The following SRSF11 variants were observed in gnomAD, a reference collection of about 807,000 sequenced individuals.
The protein encoded by SRSF11 is serine/arginine-rich splicing factor 11.
SRSF11 carries 9 observed loss-of-function variants against 56.0 expected under a neutral mutation model. The observed-to-expected ratio is 0.16, with a 90% CI of 0.10 to 0.28. SRSF11 has a LOEUF of 0.28. Among genes scored for constraint, SRSF11 ranks in the 10% least tolerant of loss-of-function variants. The probability of loss-of-function intolerance (pLI) is 1.00; values close to 1 mark genes in which losing one functional copy is unlikely to be tolerated. For missense variants in SRSF11, 421 were observed against 600.7 expected (o/e 0.70, Z 3.13); for synonymous variants, 222 against 215.3 (o/e 1.03, Z -0.27).
rs544918620 is a variant in SRSF11 at position 70,237,104 on chromosome 1, A to G, written c.591-321A>G. Among the ~76,000 whole-genome samples the G allele has an allele frequency of 2.5e-4, 38 of 152,250 alleles. No homozygotes were observed. The East Asian group carries it at 6.2e-3, about 25-fold the overall frequency. On this transcript the variant is annotated intron_variant, in intron 5 of 11. Transcript: ENST00000370949. ...ACCGGCCCAAAAATTTTTAATTTAT[A>G]TGAATAAAAGTTCTTAGCATCAGCA...
intron 9 of SRSF11, among the ~76,000 whole-genome samples, chr1:70,247,347 C>T (rs1676989556): frequency 6.6e-6 from 1 of 152,112 alleles, no homozygotes; most frequent in East Asian, 1.9e-4. Context: ...CTAATTCTAT[C>T]TTTAAGCTGT....
At chr1:70,249,092 G>A (rs1478149553) in intron 9 of SRSF11, 2 of 152,100 alleles carry the variant, frequency 1.3e-5, no homozygotes, top group Non-Finnish European at 1.5e-5. Flanking sequence ...AAAAGGAGGG[G>A]AAGGCTGTAT....
chr1:70,209,708 C>CACAACTA (rs1182620873), intron 1 of SRSF11, among the ~76,000 whole-genome samples: 1 of 142,390 alleles, frequency 7.0e-6, no homozygotes, highest in Non-Finnish European at 1.5e-5. Context: ...ATCTCAGCCT[C>CACAACTA]ACAACTAGCT....
At chr1:70,236,748 A>G (rs1674146404) in intron 5 of SRSF11, among the ~76,000 whole-genome samples, 1 of 151,266 alleles carries the variant, frequency 6.6e-6, no homozygotes, top group African/African-American at 2.4e-5. Context: ...CCCACCTACA[A>G]AGTAAAAGGT....
intron 2 of SRSF11, chr1:70,230,277 G>A (rs1348798654): frequency 7.0e-6 from 7 of 998,394 alleles, no homozygotes; most frequent in African/African-American, 1.7e-5. Context: ...TCTATTGTTG[G>A]TGAATTTAAT....
At chr1:70,237,281 T>C in intron 5 of SRSF11, 144 bp from the exon 6 acceptor site, 1 of 959,836 alleles carries the variant, frequency 1.0e-6, no homozygotes, top group Non-Finnish European at 1.5e-6. Flanking sequence ...CTATATGTTG[T>C]TTACCAAAGT....
intron 1 of SRSF11, among the ~76,000 whole-genome samples, chr1:70,215,562 C>A (rs547151044): frequency 5.8e-4 from 89 of 152,190 alleles, no homozygotes; most frequent in African/African-American, 2.1e-3. Context: ...CCTTTTCTAG[C>A]CTCAAAAAAA....
chr1:70,247,075 A>G, intron 9 of SRSF11, 168 bp downstream of exon 9: 3 of 1,115,236 alleles, frequency 2.7e-6, no homozygotes, highest in South Asian at 5.4e-5. Flanking sequence ...GTGAAGAATA[A>G]TGTAGTTTAT....
chr1:70,229,895 A>T (rs927748654), intron 2 of SRSF11: 5 of 985,334 alleles, frequency 5.1e-6, no homozygotes, highest in Non-Finnish European at 6.0e-6. Context: ...TGTAATGTAT[A>T]GATAGATAAA....
intron 1 of SRSF11, among the ~76,000 whole-genome samples, chr1:70,212,977 A>T (rs1190907277): frequency 6.6e-6 from 1 of 152,054 alleles, no homozygotes; most frequent in Non-Finnish European, 1.5e-5. Flanking sequence ...AGGCAGGAGG[A>T]TCACTTGAAC....
chr1:70,245,460 T>G (rs1298233900), intron 8 of SRSF11, among the ~76,000 whole-genome samples: 2 of 152,202 alleles, frequency 1.3e-5, no homozygotes, highest in Admixed American at 1.3e-4. Context: ...TTAGTCCTTA[T>G]GTGCTGCAGA....
Position 70,250,794 on chromosome 1 carries a change from A to G in SRSF11, c.1444A>G (p.Met482Val). 6.2e-7 allele frequency: 1 copy of G among 1,613,882 alleles called. No homozygotes were observed. The highest frequency in any genetic ancestry group is 8.5e-7 in the Non-Finnish European group (1 of 1,179,880). ...GDDHHEEDMD[M>V]SD is the part of the protein sequence containing the mutation. ...TGATCATCATGAAGAAGACATGGAT[A>G]TGAGTGACTGAATATTGCCTCTGAG... Residue 482 changes from methionine to valine, a missense_variant, in exon 12 of 12, where the codon ATG becomes GTG. Met to Val is a conservative substitution (Grantham distance 21). This residue lies in a region of SRSF11 where 253 missense variants were observed against 305.8 expected (regional missense o/e 0.83). Transcript: ENST00000370949.
intron 2 of SRSF11, chr1:70,230,955 A>G (rs1340021397): frequency 1.6e-6 from 2 of 1,214,500 alleles, no homozygotes; most frequent in Non-Finnish European, 2.1e-6. Context: ...ATCTAAATTG[A>G]TGACAGCTCT....
At position 70,224,629 on chromosome 1, in the gene SRSF11, C is replaced by T. The variant is rs76962335; in HGVS notation, c.203+2790C>T. ...ACAGACATTTCAATGACAACCTGCT[C>T]TAGGAGGTTTCCTGCATTGTCATTG... On this transcript the variant is annotated intron_variant, in intron 1 of 11. Coordinates refer to ENST00000370949, the MANE Select transcript of SRSF11 (RefSeq NM_001350605.2). Among the ~76,000 whole-genome samples the T allele has an allele frequency of 3.6e-3, 548 of 152,286 alleles. 6 individuals carry two copies. The highest frequency in any genetic ancestry group is 0.013 in the African/African-American group (525 of 41,562).
chr1:70,229,614 T>C, intron 2 of SRSF11: 1 of 983,568 alleles, frequency 1.0e-6, no homozygotes. Flanking sequence ...CTGACCAGGA[T>C]TTAAATGCTT....
intron 1 of SRSF11, among the ~76,000 whole-genome samples, chr1:70,225,192 A>G (rs552470621): frequency 6.6e-6 from 1 of 152,346 alleles, no homozygotes; most frequent in African/African-American, 2.4e-5. Flanking sequence ...ACAGTTATGC[A>G]GTAACTTAAG....
At chr1:70,236,634 A>G (rs966656142) in intron 5 of SRSF11, among the ~76,000 whole-genome samples, 5 of 148,116 alleles carry the variant, frequency 3.4e-5, no homozygotes, top group African/African-American at 7.4e-5. Context: ...CCGGCCTACA[A>G]TTTTTTTTTT....
At chr1:70,224,092 G>A (rs950593014) in intron 1 of SRSF11, among the ~76,000 whole-genome samples, 23 of 152,246 alleles carry the variant, frequency 1.5e-4, no homozygotes, top group Admixed American at 3.3e-4. Flanking sequence ...AAGTAATCAC[G>A]AGATTTAAAG....
intron 10 of SRSF11, 78 bp from the exon 11 acceptor site, chr1:70,250,287 T>C: frequency 1.3e-6 from 2 of 1,577,376 alleles, no homozygotes; most frequent in Non-Finnish European, 1.7e-6. Flanking sequence ...GCTGTACTAC[T>C]TATATCCTGT....
Sources: gnomAD v4.1 joint callset for allele counts (sites outside exome capture counted in the v4.1 genomes callset) on GRCh38, gnomAD v4.1.1 for gene constraint, gnomAD v4.1.1 regional missense constraint, MANE v1.5 for transcripts, NCBI Gene and HGNC (gene_info 2026-07-23, HGNC 2026-07-21) for gene names.